CAMTA1: variants seen among roughly 807,000 people sequenced by gnomAD.
CAMTA1 encodes the protein calmodulin-binding transcription activator 1.
In CAMTA1, 27 loss-of-function variants were observed where a neutral mutation model predicts 170.9. That is an observed-to-expected ratio of 0.16 (90% CI 0.12 to 0.22). The LOEUF (loss-of-function observed/expected upper bound fraction) is 0.22, where lower values mean the gene tolerates loss of function less well. CAMTA1 is among the 10% of genes least tolerant of loss of function. CAMTA1 has a pLI of 1.00. For synonymous variants in CAMTA1, 833 were observed against 891.5 expected, an observed-to-expected ratio of 0.93 and a Z score of 1.17; for missense variants, 1,619 against 2,217.2, an observed-to-expected ratio of 0.73 and a Z score of 5.42.
intron 3 of CAMTA1, among the ~76,000 whole-genome samples, chr1:7,038,778 G>A (rs1449211080): frequency 2.0e-5 from 3 of 152,124 alleles, no homozygotes; most frequent in Non-Finnish European, 2.9e-5. Flanking sequence ...GGTGGCTCAC[G>A]CCTGTAATCC....
At chr1:7,698,928 C>T (rs892557585) in intron 11 of CAMTA1, 1 of 152,282 alleles carries the variant, frequency 6.6e-6, no homozygotes, top group Non-Finnish European at 1.5e-5. Flanking sequence ...TCAGATTCCC[C>T]TCCTGCCACT....
At chr1:7,523,072 G>A (rs957295159) in intron 6 of CAMTA1, among the ~76,000 whole-genome samples, 1 of 152,150 alleles carries the variant, frequency 6.6e-6, no homozygotes, top group Non-Finnish European at 1.5e-5. Context: ...TCACCATGTT[G>A]GCCAGGCTGG....
chr1:7,056,596 T>TCTTC (rs1326847719), intron 3 of CAMTA1, among the ~76,000 whole-genome samples: 4 of 151,960 alleles, frequency 2.6e-5, no homozygotes, highest in African/African-American at 9.7e-5. Flanking sequence ...GTCATGTCTT[T>TCTTC]GGTGCTGGGA....
intron 5 of CAMTA1, among the ~76,000 whole-genome samples, chr1:7,258,644 G>A (rs1013438514): frequency 6.6e-6 from 1 of 152,136 alleles, no homozygotes; most frequent in Non-Finnish European, 1.5e-5. Context: ...TTTTCCCCTT[G>A]GTAAGTGACC....
At chr1:6,859,507 A>T (rs1020675298) in intron 3 of CAMTA1, among the ~76,000 whole-genome samples, 2 of 152,248 alleles carry the variant, frequency 1.3e-5, no homozygotes, top group African/African-American at 4.8e-5. Flanking sequence ...ATGTTGTACC[A>T]GGCCAGGTGC....
intron 15 of CAMTA1, 56 bp downstream of exon 15, chr1:7,737,626 A>G (rs1558261368): frequency 2.1e-5 from 31 of 1,479,492 alleles, no homozygotes; most frequent in Non-Finnish European, 2.0e-5. Flanking sequence ...GTTTGCTTTC[A>G]TGCAGCTGCC....
At chr1:7,639,348 G>C (rs1343845430) in intron 6 of CAMTA1, among the ~76,000 whole-genome samples, 1 of 152,188 alleles carries the variant, frequency 6.6e-6, no homozygotes, top group Non-Finnish European at 1.5e-5. Context: ...CTGGTGCCCA[G>C]AAGTTTGGGA....
In CAMTA1 at chr1:7,234,762, TG is replaced by T. The variant is rs1354424353; in HGVS notation, c.303-14726del. ...TGAACAAACTGTGGCTTAACGATCT[TG>T]GGAAATTGGAAAATACAAGTTGACC... On this transcript the variant is annotated intron_variant, in intron 4 of 22. Transcript: ENST00000303635. This position sits in a 1 kb window ranked among gnomAD's most constrained non-coding sequence, Gnocchi z 5.0. 1.3e-5 allele frequency among the ~76,000 whole-genome samples: 2 copies of T among 150,154 alleles called. No homozygotes were observed. The highest frequency in any genetic ancestry group is 2.9e-5 in the Non-Finnish European group (2 of 67,798).
intron 16 of CAMTA1, among the ~76,000 whole-genome samples, chr1:7,741,539 G>A (rs1184418691): frequency 6.6e-6 from 1 of 151,700 alleles, no homozygotes. Context: ...TCCAGCCTGG[G>A]CGACAGAGCG....
intron 3 of CAMTA1, among the ~76,000 whole-genome samples, chr1:6,958,628 C>T (rs1488511436): frequency 2.0e-5 from 3 of 152,200 alleles, no homozygotes; most frequent in East Asian, 1.9e-4. Flanking sequence ...TTGAATGTGA[C>T]GCAATAAGCC....
Position 7,609,312 on chromosome 1 carries a change from C to G in CAMTA1, c.511-31088C>G, listed in dbSNP as rs2095507836. On this transcript the variant is annotated intron_variant, in intron 6 of 22. Transcript: ENST00000303635. The surrounding 1 kb of genome is among the most constrained non-coding windows in gnomAD (Gnocchi z 4.4). ...TGGGTCACCCCATCGGCTGTTCTGT[C>G]ATCAGACATCATGTTTACCCATCAG... is the stretch of plus-strand genomic sequence containing the variant. Among the ~76,000 whole-genome samples, 1 of 152,344 alleles carries G rather than the reference C, an allele frequency of 6.6e-6. No homozygotes were observed. Among genetic ancestry groups the G allele is most frequent in the South Asian group, 2.1e-4 (1 of 4,824 alleles).
chr1:6,794,009 T>C (rs1641844248), intron 1 of CAMTA1, among the ~76,000 whole-genome samples: 1 of 145,814 alleles, frequency 6.9e-6, no homozygotes, highest in East Asian at 2.1e-4. Flanking sequence ...AAAGATGTTA[T>C]AGTGGAAAAA....
chr1:7,229,505 C>T (rs1574047507), intron 4 of CAMTA1, among the ~76,000 whole-genome samples: 1 of 53,646 alleles, frequency 1.9e-5, no homozygotes, highest in South Asian at 1.2e-3. Flanking sequence ...CCAGAGGAAG[C>T]GGAGAGGAGG....
chr1:7,187,590 A>G (rs1653636310), intron 4 of CAMTA1, among the ~76,000 whole-genome samples: 1 of 152,240 alleles, frequency 6.6e-6, no homozygotes, highest in Non-Finnish European at 1.5e-5. Context: ...GTTTTAAAAG[A>G]TGTATTTTAA....
At chr1:6,816,459 A>G (rs1645825574) in intron 1 of CAMTA1, among the ~76,000 whole-genome samples, 1 of 152,282 alleles carries the variant, frequency 6.6e-6, no homozygotes, top group South Asian at 2.1e-4. Flanking sequence ...GGAAGGAGCT[A>G]CCATAAAGAA....
At chr1:7,640,282 C>T in intron 6 of CAMTA1, 118 bp from the exon 7 acceptor site, 1 of 1,124,012 alleles carries the variant, frequency 8.9e-7, no homozygotes, top group South Asian at 1.4e-5. Flanking sequence ...AGTGTGAGGT[C>T]AAGAGAGCCG....
chr1:7,337,545 G>GTGGGCCGTGGGCCT lies in CAMTA1; in HGVS notation c.438+87919_438+87920insTGGGCCGTGGGCCT, dbSNP rs1557542257. On this transcript the variant is annotated intron_variant, in intron 5 of 22. Transcript: ENST00000303635. ...CCAATCACAGTGTGGGCCGTGGGCT[G>GTGGGCCGTGGGCCT]CATCCAATCACAGTGTGGGCAGTGG... Among the ~76,000 whole-genome samples the GTGGGCCGTGGGCCT allele has an allele frequency of 1.0e-3, 145 of 139,580 alleles. 15 individuals are homozygous for GTGGGCCGTGGGCCT. Among genetic ancestry groups the GTGGGCCGTGGGCCT allele is most frequent in the African/African-American group, 3.0e-3 (103 of 34,804 alleles). The allele number at this position is 139,580 out of a possible 152,430, so 91.6% of individuals were successfully genotyped here.
chr1:7,547,329 G>A lies in CAMTA1; in HGVS notation c.510+79428G>A, dbSNP rs969303800. 2.7e-5 allele frequency among the ~76,000 whole-genome samples: 4 copies of A among 147,454 alleles called. No homozygotes were observed. The highest frequency in any genetic ancestry group is 1.0e-4 in the African/African-American group (4 of 39,656). On this transcript the variant is annotated intron_variant, in intron 6 of 22. Transcript: ENST00000303635. This position sits in a 1 kb window ranked among gnomAD's most constrained non-coding sequence, Gnocchi z 5.7. ...AGGCCTCTCTCAGTAGATAGAGCTG[G>A]GGAATATATGTATCATATGCACACA...
chr1:6,914,527 C>T (rs1265085630), intron 3 of CAMTA1, among the ~76,000 whole-genome samples: 3 of 152,248 alleles, frequency 2.0e-5, no homozygotes, highest in Non-Finnish European at 2.9e-5. Flanking sequence ...CACATGCACA[C>T]ACGGCTATCG....
Sources: gnomAD v4.1 joint callset for allele counts (sites outside exome capture counted in the v4.1 genomes callset) on GRCh38, gnomAD v4.1.1 for gene constraint, Gnocchi (gnomAD v3.1) non-coding constraint, MANE v1.5 for transcripts, NCBI Gene and HGNC (gene_info 2026-07-23, HGNC 2026-07-21) for gene names.